TP63: variants seen among roughly 807,000 people sequenced by gnomAD.
TP63 encodes tumor protein 63.
In TP63, 17 loss-of-function variants were observed where a neutral mutation model predicts 82.8. That is an observed-to-expected ratio of 0.21 (90% CI 0.14 to 0.31). The LOEUF is 0.31. Ranked by LOEUF, TP63 falls within the 10% of genes least tolerant of loss-of-function variation. The pLI, the probability that TP63 is intolerant of heterozygous loss-of-function variation, is 1.00. For missense variants in TP63, 648 were observed against 895.3 expected (o/e 0.72, Z 3.52); for synonymous variants, 330 against 321.7 (o/e 1.03, Z -0.28).
intron 4 of TP63, among the ~76,000 whole-genome samples, chr3:189,831,950 A>G (rs1201591044): frequency 7.0e-6 from 1 of 141,942 alleles, no homozygotes; most frequent in Admixed American, 7.4e-5. Flanking sequence ...TCCTGCCCCA[A>G]CCTCCTGAGT....
At chr3:189,654,113 A>G (rs987814900) in intron 1 of TP63, among the ~76,000 whole-genome samples, 1 of 152,208 alleles carries the variant, frequency 6.6e-6, no homozygotes, top group Non-Finnish European at 1.5e-5. Flanking sequence ...GTTTGTACTT[A>G]TTAGCCTAAG....
intron 3 of TP63, among the ~76,000 whole-genome samples, chr3:189,794,307 G>A (rs1725468518): frequency 6.6e-6 from 1 of 151,876 alleles, no homozygotes; most frequent in African/African-American, 2.4e-5. Flanking sequence ...TTCTTTGGGG[G>A]AATGAGCTAA....
chr3:189,728,235 C>T (rs1448839309), intron 1 of TP63, among the ~76,000 whole-genome samples: 3 of 151,130 alleles, frequency 2.0e-5, no homozygotes, highest in Admixed American at 2.0e-4. Flanking sequence ...TTCCCTTCTA[C>T]GGATCTGTCC....
At chr3:189,821,478 A>C (rs1728787128) in intron 4 of TP63, among the ~76,000 whole-genome samples, 1 of 152,194 alleles carries the variant, frequency 6.6e-6, no homozygotes, top group Non-Finnish European at 1.5e-5. Flanking sequence ...TAGAGGGTCA[A>C]GCGTGCTTAC....
intron 4 of TP63, among the ~76,000 whole-genome samples, chr3:189,833,364 G>C (rs1010035277): frequency 2.0e-5 from 3 of 152,210 alleles, no homozygotes; most frequent in Admixed American, 6.5e-5. Flanking sequence ...CTTGAAAACT[G>C]CCTTTCCAAT....
chr3:189,738,453 G>C (rs1024303608), intron 2 of TP63, among the ~76,000 whole-genome samples, 189 bp from the exon 3 acceptor site: 1 of 152,154 alleles, frequency 6.6e-6, no homozygotes, highest in African/African-American at 2.4e-5. Context: ...GTGGGGGTTG[G>C]ATTTGAACTG....
rs953376966 is a variant in TP63 at position 189,633,421 on chromosome 3, C to G, written c.62+1844C>G. On this transcript the variant is annotated intron_variant, in intron 1 of 13. Transcript: ENST00000264731. ...AAAGGCCCCAGCGTGTGTTGTTCCC[C>G]TCTATGTGTCCATGCGTTGTCATCA... 3.9e-5 allele frequency among the ~76,000 whole-genome samples: 6 copies of G among 152,112 alleles called. No individual in the cohort carries two copies. The East Asian group carries it at 1.2e-3, about 29-fold the overall frequency.
the TP63 span, among the ~76,000 whole-genome samples, chr3:189,604,939 C>T: frequency 6.6e-6 from 1 of 152,134 alleles, no homozygotes; most frequent in Non-Finnish European, 1.5e-5. Flanking sequence ...AGTGGCAGGG[C>T]TTTCTTCAAA....
intron 1 of TP63, chr3:189,645,466 T>A (rs534664699): frequency 2.0e-4 from 53 of 262,016 alleles, no homozygotes; most frequent in African/African-American, 1.1e-3. Flanking sequence ...TCTTCTTTTT[T>A]AAATTTTTTT....
chr3:189,746,292 A>C (rs965328781), intron 3 of TP63, among the ~76,000 whole-genome samples: 1 of 152,104 alleles, frequency 6.6e-6, no homozygotes, highest in Admixed American at 6.5e-5. Flanking sequence ...AAAAAATGTC[A>C]GTCAAGGATA....
intron 1 of TP63, among the ~76,000 whole-genome samples, chr3:189,657,423 C>T (rs530204880): frequency 1.3e-5 from 2 of 152,118 alleles, no homozygotes; most frequent in African/African-American, 4.8e-5. Flanking sequence ...ATTAGTGAAA[C>T]AACCTCACTG....
At chr3:189,852,180 G>A (rs1715722487) in intron 4 of TP63, among the ~76,000 whole-genome samples, 1 of 152,194 alleles carries the variant, frequency 6.6e-6, no homozygotes, top group South Asian at 2.1e-4. Flanking sequence ...AGTTGTTGGT[G>A]TTGGACAAGA....
At chr3:189,727,350 C>G (rs1719845939) in intron 1 of TP63, among the ~76,000 whole-genome samples, 1 of 152,100 alleles carries the variant, frequency 6.6e-6, no homozygotes. Context: ...TGAATCAGAC[C>G]AGTATCTGGA....
chr3:189,855,559 A>T (rs543501838), intron 4 of TP63, among the ~76,000 whole-genome samples: 2 of 152,278 alleles, frequency 1.3e-5, no homozygotes, highest in Admixed American at 6.5e-5. Flanking sequence ...TTACAATTAA[A>T]TAAATAATGG....
chr3:189,806,411 C>T (rs1424281518), intron 3 of TP63, among the ~76,000 whole-genome samples: 1 of 152,168 alleles, frequency 6.6e-6, no homozygotes, highest in Non-Finnish European at 1.5e-5. Flanking sequence ...TATCTGATTC[C>T]TACAGGACGT....
intron 3 of TP63, among the ~76,000 whole-genome samples, chr3:189,753,032 AATTT>A (rs1329602152): frequency 2.0e-5 from 3 of 152,048 alleles, no homozygotes; most frequent in African/African-American, 7.2e-5. Context: ...AAAATTTTTT[AATTT>A]ATTAAGGTTT....
intron 4 of TP63, among the ~76,000 whole-genome samples, chr3:189,822,311 C>T (rs1470496605): frequency 6.6e-6 from 1 of 152,086 alleles, no homozygotes; most frequent in Non-Finnish European, 1.5e-5. Context: ...TAGCTCTAGC[C>T]TCTGGTGCCT....
chr3:189,710,380 G>A (rs947662156), intron 1 of TP63, among the ~76,000 whole-genome samples: 4 of 152,248 alleles, frequency 2.6e-5, no homozygotes, highest in Middle Eastern at 3.4e-3. Flanking sequence ...TCACCACTCA[G>A]TTTCTCAGCT....
the TP63 span, among the ~76,000 whole-genome samples, chr3:189,611,670 A>G: frequency 2.6e-5 from 4 of 152,152 alleles, no homozygotes; most frequent in Non-Finnish European, 5.9e-5. Context: ...GAAGAATGTC[A>G]TTGGTTGTTT....
Sources: allele counts gnomAD v4.1 joint callset (sites outside exome capture counted in the v4.1 genomes callset), GRCh38; gene constraint gnomAD v4.1.1; transcripts MANE v1.5; gene names NCBI Gene and HGNC (gene_info 2026-07-23, HGNC 2026-07-21).